The following DENND2B variants were observed in gnomAD, a reference collection of about 807,000 sequenced individuals.
DENND2B encodes DENN domain containing 2B, also known as DENN domain-containing protein 2B.
Under a neutral mutation model 116.0 loss-of-function variants are expected in DENND2B, and 32 were observed. That is an observed-to-expected ratio of 0.28 (90% CI 0.21 to 0.37). The LOEUF (loss-of-function observed/expected upper bound fraction) is 0.37. DENND2B is among the 10% of genes least tolerant of loss of function. The pLI, the probability that DENND2B is intolerant of heterozygous loss-of-function variation, is 1.00. For missense variants in DENND2B, 1,276 were observed against 1,477.7 expected, an observed-to-expected ratio of 0.86 and a Z score of 2.24; for synonymous variants, 588 against 583.9, an observed-to-expected ratio of 1.01 and a Z score of -0.10.
Position 8,730,674 on chromosome 11 carries a change from A to C in DENND2B, c.616T>G (p.Cys206Gly), listed in dbSNP as rs779838290. The C allele has an allele frequency of 1.2e-6, 2 of 1,612,246 alleles. No individual in the cohort carries two copies. Among genetic ancestry groups the C allele is most frequent in the Admixed American group, 1.7e-5 (1 of 59,956 alleles). The change falls in exon 3 of 20, where the codon TGT (cysteine) becomes GGT (glycine). Residue 206 changes from cysteine (C) to glycine (G), a missense_variant. Cys to Gly is a radical substitution (Grantham distance 159). This residue lies in a region of DENND2B where 856 missense variants were observed against 846.6 expected (regional missense o/e 1.01). Coordinates refer to ENST00000313726, the MANE Select transcript of DENND2B (RefSeq NM_213618.2). This position sits in a 1 kb window ranked among gnomAD's most constrained non-coding sequence, Gnocchi z 4.1. ...CAGGGGGACGGCACCACGCTGGGAC[A>C]GCCCAGGCTGGGGCAGCCCTCACTG... The part of the protein sequence containing the change: ...AASEGCPSLG[C>G]PSVVPSPCSS...
chr11:8,785,218 C>T (rs1192306420), intron 1 of DENND2B: 6 of 152,360 alleles, frequency 3.9e-5, no homozygotes, highest in African/African-American at 1.4e-4. Context: ...CCGTCAGCTT[C>T]ATCCCCAGGC....
intron 1 of DENND2B, among the ~76,000 whole-genome samples, chr11:8,798,163 C>T (rs191326464): frequency 9.2e-5 from 14 of 152,242 alleles, no homozygotes; most frequent in African/African-American, 3.4e-4. Flanking sequence ...GAAATGCTTC[C>T]CCACTCACTA....
chr11:8,774,955 A>C (rs1048099546), intron 1 of DENND2B, among the ~76,000 whole-genome samples: 10 of 150,798 alleles, frequency 6.6e-5, no homozygotes, highest in African/African-American at 2.5e-4. Context: ...ATCTTGGCTC[A>C]CTGCAACTTC....
intron 1 of DENND2B, among the ~76,000 whole-genome samples, chr11:8,758,279 A>G (rs2053953772): frequency 6.6e-6 from 1 of 151,622 alleles, no homozygotes; most frequent in Non-Finnish European, 1.5e-5. Context: ...TCTTCCTCCT[A>G]CCCCCATCCC....
chr11:8,803,213 C>T (rs1015583143), intron 1 of DENND2B, among the ~76,000 whole-genome samples: 5 of 151,678 alleles, frequency 3.3e-5, no homozygotes, highest in African/African-American at 9.7e-5. Context: ...GGTGAAACCC[C>T]GTCTCTACTA....
chr11:8,697,542 TCAGAGTC>T lies in DENND2B; in HGVS notation c.3028_3034del (p.Asp1010ThrfsTer34), dbSNP rs1241132110. ...ATTCTCACCATCGTCGGAGTCGCTG[TCAGAGTC>T]CTGGGAGATCAGCTCATTCTTCCTC... is the stretch of plus-strand genomic sequence containing the variant. On this transcript the variant is annotated frameshift_variant, in exon 17 of 20. Coordinates refer to ENST00000313726, the MANE Select transcript of DENND2B (RefSeq NM_213618.2). LOFTEE classifies it high-confidence loss of function. The T allele has an allele frequency of 6.2e-7, 1 of 1,613,974 alleles. No homozygotes were observed. The highest frequency in any genetic ancestry group is 1.3e-5 in the African/African-American group (1 of 74,952).
chr11:8,748,211 C>A (rs934298598), intron 2 of DENND2B, among the ~76,000 whole-genome samples: 3 of 152,178 alleles, frequency 2.0e-5, no homozygotes, highest in African/African-American at 7.2e-5. Context: ...GGAGTCTCCT[C>A]CTTGGATTCA....
intron 1 of DENND2B, among the ~76,000 whole-genome samples, chr11:8,904,094 T>A (rs1488344236): frequency 2.0e-5 from 3 of 151,994 alleles, no homozygotes; most frequent in Non-Finnish European, 4.4e-5. Flanking sequence ...AGGCCAATAT[T>A]ATCCTAATAC....
chr11:8,705,779 A>G (rs2042493572), intron 13 of DENND2B, among the ~76,000 whole-genome samples: 1 of 152,170 alleles, frequency 6.6e-6, no homozygotes, highest in Non-Finnish European at 1.5e-5. Flanking sequence ...AATCAAACGC[A>G]AAGTGCTATT....
chr11:8,693,477 G>T lies in DENND2B; in HGVS notation c.*619C>A, dbSNP rs974407321. ...GCCCAGAGAGCACTGGCAGAGCTGG[G>T]GGTGGGCTTCCCATGACACACTGAC... On this transcript the variant is annotated 3_prime_UTR_variant, in exon 20 of 20. Transcript: ENST00000313726. 6.5e-6 allele frequency: 1 copy of T among 152,816 alleles called. No homozygotes were observed. Among genetic ancestry groups the T allele is most frequent in the African/African-American group, 2.4e-5 (1 of 41,436 alleles). 9.5% of individuals were successfully genotyped at this position (152,816 alleles called of 1,614,324 possible).
chr11:8,701,333 A>C (rs2041570436), intron 14 of DENND2B, among the ~76,000 whole-genome samples: 1 of 83,214 alleles, frequency 1.2e-5, no homozygotes, highest in African/African-American at 4.8e-5. Context: ...TAGGATGGGA[A>C]GGCCAGCTTC....
At chr11:8,831,214 T>C (rs996835346) in intron 4 of DENND2B, among the ~76,000 whole-genome samples, 20 of 152,198 alleles carry the variant, frequency 1.3e-4, no homozygotes, top group Admixed American at 1.2e-3. Context: ...ACCTCCCTGA[T>C]AGGTAAGAAT....
In DENND2B at chr11:8,707,724, T is replaced by C. The variant is rs2042859273; in HGVS notation, c.2430+53A>G. The C allele has an allele frequency of 1.1e-5, 17 of 1,545,234 alleles. No homozygotes were observed. In the South Asian group the frequency reaches 1.7e-4, roughly 15 times the overall value. ...CATCTAAGCTGGCTGCAGATACTCCTGTGGGAGCTGTCAGCTGGGGGACGG... is the reference window on the plus strand; with the variant it reads ...CATCTAAGCTGGCTGCAGATACTCCCGTGGGAGCTGTCAGCTGGGGGACGG... On this transcript the variant is annotated intron_variant, in intron 12 of 19. Coordinates refer to ENST00000313726, the MANE Select transcript of DENND2B (RefSeq NM_213618.2). This position sits in a 1 kb window ranked among gnomAD's most constrained non-coding sequence, Gnocchi z 4.8.
intron 4 of DENND2B, among the ~76,000 whole-genome samples, chr11:8,823,261 A>G (rs1371297248): frequency 2.6e-5 from 4 of 152,340 alleles, no homozygotes; most frequent in Admixed American, 6.5e-5. Context: ...CTTTAAAGAA[A>G]AAAAAATCAG....
At chr11:8,880,345 C>CTGGGTGTGTGTGTGTG (rs71485245) in intron 2 of DENND2B, among the ~76,000 whole-genome samples, 9 of 120,650 alleles carry the variant, frequency 7.5e-5, no homozygotes, top group Middle Eastern at 0.011. Context: ...TCACTTTGAA[C>CTGGGTGTGTGTGTGTG]TGTGTGTGTG....
intron 19 of DENND2B, 31 bp from the exon 20 acceptor site, chr11:8,694,161 T>A: frequency 6.2e-7 from 1 of 1,613,932 alleles, no homozygotes; most frequent in Non-Finnish European, 8.5e-7. Flanking sequence ...GAGAGAATGT[T>A]CAGTGTTATC....
chr11:8,867,205 G>T (rs58735631), intron 2 of DENND2B, among the ~76,000 whole-genome samples: 1 of 152,234 alleles, frequency 6.6e-6, no homozygotes, highest in East Asian at 1.9e-4. Context: ...TATTCAAAGC[G>T]GCAGACTAAT....
Position 8,714,710 on chromosome 11 carries a change from G to A in DENND2B, c.1846-4C>T, listed in dbSNP as rs2044392027. 1.9e-6 allele frequency: 3 copies of A among 1,613,912 alleles called. No homozygotes were observed. Among genetic ancestry groups the A allele is most frequent in the Non-Finnish European group, 2.5e-6 (3 of 1,179,846 alleles). The stretch of plus-strand genomic sequence containing the variant: ...TGGAGTTAATTCTTTGGACAAGCTG[G>A]GTGAGAAAAGCAGGATGGGTGAGGT... On this transcript the variant is annotated splice_polypyrimidine_tract_variant and splice_region_variant and intron_variant, in intron 6 of 19. Coordinates refer to ENST00000313726, the MANE Select transcript of DENND2B (RefSeq NM_213618.2).
rs2042835433 is a variant in DENND2B at position 8,707,611 on chromosome 11, G to GAGAACCCGGTAGAGAA, written c.2430+165_2430+166insTTCTCTACCGGGTTCT. The stretch of plus-strand genomic sequence containing the variant: ...GCCAGCCAGCTGGGTAGAGAACCAG[G>GAGAACCCGGTAGAGAA]CCGGGGAATGGGAGGGTGTCAGAGA... On this transcript the variant is annotated intron_variant, in intron 12 of 19. Transcript: ENST00000313726. The surrounding 1 kb of genome is among the most constrained non-coding windows in gnomAD (Gnocchi z 4.8). Among the ~76,000 whole-genome samples, 2 of 152,234 alleles carry GAGAACCCGGTAGAGAA rather than the reference G, an allele frequency of 1.3e-5. No individual in the cohort carries two copies. Among genetic ancestry groups the GAGAACCCGGTAGAGAA allele is most frequent in the Non-Finnish European group, 2.9e-5 (2 of 68,042 alleles).
Sources: allele counts gnomAD v4.1 joint callset (sites outside exome capture counted in the v4.1 genomes callset), GRCh38; gene constraint gnomAD v4.1.1; regional missense constraint gnomAD v4.1.1; non-coding constraint Gnocchi (gnomAD v3.1); transcripts MANE v1.5; gene names NCBI Gene and HGNC (gene_info 2026-07-23, HGNC 2026-07-21).